The following USP3 variants were observed in gnomAD, a reference collection of about 807,000 sequenced individuals.
USP3 encodes the protein ubiquitin carboxyl-terminal hydrolase 3.
A neutral mutation model predicts 72.3 loss-of-function variants in USP3; 20 were observed. That is an observed-to-expected ratio of 0.28 (90% CI 0.19 to 0.40). The LOEUF (loss-of-function observed/expected upper bound fraction) is 0.40, where lower values mean the gene tolerates loss of function less well. Among genes scored for constraint, USP3 ranks in the 10% least tolerant of loss-of-function variants. USP3 has a pLI of 1.00. For synonymous variants in USP3, 222 were observed against 225.3 expected, an observed-to-expected ratio of 0.99 and a Z score of 0.13; for missense variants, 479 against 633.9, an observed-to-expected ratio of 0.76 and a Z score of 2.62.
In USP3 at chr15:63,547,761, GGAGAGAGAGAGAGAGA is replaced by G. The variant is rs1180675814; in HGVS notation, c.285-5930_285-5915del. ...GAGAGAGAGGGAGGGAGGGAGGGAG[GGAGAGAGAGAGAGAGA>G]GAGAGAGAGAGAGAGAGAGAGAGGC... On this transcript the variant is annotated intron_variant, in intron 3 of 14. Coordinates refer to ENST00000380324, the MANE Select transcript of USP3 (RefSeq NM_006537.4). Among the ~76,000 whole-genome samples, 15 of 4,460 alleles carry G rather than the reference GGAGAGAGAGAGAGAGA, an allele frequency of 3.4e-3. 1 individual carries two copies. Among genetic ancestry groups the G allele is most frequent in the African/African-American group, 8.7e-3 (11 of 1,268 alleles). The allele number at this position is 4,460 out of a possible 152,430, so 2.9% of individuals were successfully genotyped here.
chr15:63,582,685 C>G (rs2066984879), intron 11 of USP3, among the ~76,000 whole-genome samples: 1 of 152,034 alleles, frequency 6.6e-6, no homozygotes, highest in Non-Finnish European at 1.5e-5. Context: ...CTCAAAAAGG[C>G]AGGGAGGAAG....
chr15:63,558,576 AAAC>A (rs146127178), intron 6 of USP3, among the ~76,000 whole-genome samples: 13,766 of 151,404 alleles, frequency 0.091, 705 homozygotes, highest in Middle Eastern at 0.14. Flanking sequence ...CTCTTTATTA[AAAC>A]AACACTTTAG....
In USP3 at chr15:63,570,421, T is replaced by C. The variant is rs778412372; in HGVS notation, c.762-12T>C. 3 of 1,614,000 alleles carry C rather than the reference T, an allele frequency of 1.9e-6. No individual in the cohort carries two copies. Among genetic ancestry groups the C allele is most frequent in the African/African-American group, 1.3e-5 (1 of 75,042 alleles). On this transcript the variant is annotated splice_polypyrimidine_tract_variant and intron_variant, in intron 8 of 14. Coordinates refer to ENST00000380324, the MANE Select transcript of USP3 (RefSeq NM_006537.4). The surrounding 1 kb of genome is among the most constrained non-coding windows in gnomAD (Gnocchi z 4.4). ...CCACCCGGCCTTATAAGTGACTGTT[T>C]GTTTGCTTTAGGGGCTATCAACAGC...
At chr15:63,585,958 A>G (rs183773477) in intron 11 of USP3, among the ~76,000 whole-genome samples, 108 of 152,314 alleles carry the variant, frequency 7.1e-4, no homozygotes, top group African/African-American at 2.3e-3. Context: ...CACTGAATCT[A>G]TAGATGAAGT....
chr15:63,562,547 G>A (rs889885177), intron 7 of USP3, among the ~76,000 whole-genome samples: 7 of 152,176 alleles, frequency 4.6e-5, no homozygotes, highest in Non-Finnish European at 5.9e-5. Context: ...AAAGAAAGCC[G>A]AATGCTTGTT....
chr15:63,568,554 A>G (rs898600280), intron 8 of USP3, among the ~76,000 whole-genome samples: 3 of 152,226 alleles, frequency 2.0e-5, no homozygotes, highest in African/African-American at 4.8e-5. Flanking sequence ...TTCCTTTAAC[A>G]TGATTATAAA....
At chr15:63,571,566 A>T (rs2066779449) in intron 9 of USP3, among the ~76,000 whole-genome samples, 1 of 152,118 alleles carries the variant, frequency 6.6e-6, no homozygotes, top group Non-Finnish European at 1.5e-5. Flanking sequence ...CCAAATTAAA[A>T]AGTATTAAAT....
chr15:63,545,537 A>G (rs2066307369), intron 3 of USP3, among the ~76,000 whole-genome samples: 2 of 152,030 alleles, frequency 1.3e-5, no homozygotes, highest in African/African-American at 4.8e-5. Context: ...TTCCTTATCT[A>G]ACATCTCTAA....
intron 9 of USP3, among the ~76,000 whole-genome samples, chr15:63,572,832 CAATTGA>C (rs1252330641): frequency 1.3e-5 from 2 of 152,192 alleles, no homozygotes; most frequent in Non-Finnish European, 2.9e-5. Context: ...TGATAGCAAA[CAATTGA>C]AAGAGCTGTG....
At chr15:63,519,008 GC>G (rs2065885684) in intron 1 of USP3, among the ~76,000 whole-genome samples, 1 of 152,126 alleles carries the variant, frequency 6.6e-6, no homozygotes, top group South Asian at 2.1e-4. Flanking sequence ...CTCATGATCT[GC>G]CCGCCTCAGC....
chr15:63,517,543 G>A (rs1410639727), intron 1 of USP3, among the ~76,000 whole-genome samples: 2 of 152,114 alleles, frequency 1.3e-5, no homozygotes, highest in East Asian at 3.8e-4. Context: ...TAACTGGGTG[G>A]GGCTTGTCCA....
intron 2 of USP3, among the ~76,000 whole-genome samples, 158 bp downstream of exon 2, chr15:63,532,865 T>C (rs919056607): frequency 6.6e-6 from 1 of 152,212 alleles, no homozygotes; most frequent in Admixed American, 6.5e-5. Flanking sequence ...CCCTTTGTTC[T>C]GTGATACAAC....
In USP3 at chr15:63,559,970, T is replaced by C. The variant is rs1309529014; in HGVS notation, c.647T>C (p.Val216Ala). The change falls in exon 7 of 15, where the codon GTG becomes GCG. Residue 216 changes from valine to alanine, a missense_variant and splice_region_variant. Coordinates refer to ENST00000380324, the MANE Select transcript of USP3 (RefSeq NM_006537.4). ...YHTRSQGDNN[V>A]SLVEEFRKTL... ...ACCAGGAGCCAAGGGGATAACAATG[T>C]GTGAGTTATAAGAGTATGTCCTTTC... 36 of 1,612,366 alleles carry C rather than the reference T, an allele frequency of 2.2e-5. No homozygotes were observed. The highest frequency in any genetic ancestry group is 2.9e-5 in the Non-Finnish European group (34 of 1,179,274).
intron 2 of USP3, among the ~76,000 whole-genome samples, chr15:63,533,297 C>T (rs531127293): frequency 1.3e-5 from 2 of 151,950 alleles, no homozygotes; most frequent in African/African-American, 4.8e-5. Flanking sequence ...TAAGATATAC[C>T]AAATGTTTCA....
chr15:63,554,366 T>G (rs1487995283), intron 4 of USP3, among the ~76,000 whole-genome samples: 1 of 152,178 alleles, frequency 6.6e-6, no homozygotes, highest in East Asian at 1.9e-4. Context: ...ATGAAACTAT[T>G]TATATGTGAA....
Position 63,554,931 on chromosome 15 carries a change from A to G in USP3, c.368+1133A>G, listed in dbSNP as rs77300639. On this transcript the variant is annotated intron_variant, in intron 4 of 14. Coordinates refer to ENST00000380324, the MANE Select transcript of USP3 (RefSeq NM_006537.4). ...AGACAGATACACACAGATCCAAAAT[A>G]TTTAATTTTCTCTGAAACTGTTCAC... Among the ~76,000 whole-genome samples, 493 of 152,296 alleles carry G rather than the reference A, an allele frequency of 3.2e-3. 2 individuals carry two copies. Among genetic ancestry groups the G allele is most frequent in the Admixed American group, 5.8e-3 (89 of 15,300 alleles).
At chr15:63,517,606 A>ACT (rs1011087118) in intron 1 of USP3, among the ~76,000 whole-genome samples, 5 of 152,056 alleles carry the variant, frequency 3.3e-5, no homozygotes, top group Admixed American at 1.3e-4. Context: ...GGAGGAAGAC[A>ACT]CTCATATCTG....
intron 8 of USP3, among the ~76,000 whole-genome samples, chr15:63,563,494 C>T (rs1394696815): frequency 2.6e-5 from 4 of 152,192 alleles, no homozygotes; most frequent in African/African-American, 9.7e-5. Flanking sequence ...TGCCACATCC[C>T]GGTGTGGCCA....
Position 63,511,145 on chromosome 15 carries a change from C to T in USP3, c.91+6315C>T, listed in dbSNP as rs2065774726. ...TAATTATTCATCCTTGTAGTTTTTC[C>T]TATTTTATTGATTATGAAACTGAGA... On this transcript the variant is annotated intron_variant, in intron 1 of 14. Transcript: ENST00000380324. Among the ~76,000 whole-genome samples, 4 of 150,252 alleles carry T rather than the reference C, an allele frequency of 2.7e-5. No individual in the cohort carries two copies. In the South Asian group the frequency reaches 8.4e-4, roughly 31 times the overall value.
Sources: gnomAD v4.1 joint callset for allele counts (sites outside exome capture counted in the v4.1 genomes callset) on GRCh38, gnomAD v4.1.1 for gene constraint, Gnocchi (gnomAD v3.1) non-coding constraint, MANE v1.5 for transcripts, NCBI Gene and HGNC (gene_info 2026-07-23, HGNC 2026-07-21) for gene names.